RAB3C: variants seen among roughly 807,000 people sequenced by gnomAD.
The protein encoded by RAB3C is RAB3C, member RAS oncogene family, also known as ras-related protein Rab-3C.
In RAB3C, 17 loss-of-function variants were observed where a neutral mutation model predicts 26.4. That is an observed-to-expected ratio of 0.64 (90% confidence interval 0.44 to 0.97). The LOEUF is 0.97. Ranked by LOEUF, RAB3C falls within the 50% of genes least tolerant of loss-of-function variation. RAB3C has a pLI of 0.00. For synonymous variants in RAB3C, 91 were observed against 95.9 expected (o/e 0.95, Z 0.30); for missense variants, 242 against 281.9 (o/e 0.86, Z 1.01).
intron 3 of RAB3C, among the ~76,000 whole-genome samples, chr5:58,792,659 C>T (rs1742554904): frequency 6.6e-6 from 1 of 151,860 alleles, no homozygotes; most frequent in African/African-American, 2.4e-5. Context: ...CAGAATGTTT[C>T]CCAACAACCC....
chr5:58,612,360 A>T (rs924958772), intron 1 of RAB3C, among the ~76,000 whole-genome samples: 2 of 151,722 alleles, frequency 1.3e-5, no homozygotes, highest in Non-Finnish European at 2.9e-5. Context: ...CTTCCTATCC[A>T]TGAGCAAGGA....
intron 2 of RAB3C, among the ~76,000 whole-genome samples, chr5:58,663,333 T>A (rs1747943009): frequency 6.7e-6 from 1 of 150,180 alleles, no homozygotes; most frequent in Non-Finnish European, 1.5e-5. Flanking sequence ...CTGGCAAATG[T>A]GTATTATAAA....
chr5:58,776,685 A>G (rs1742149453), intron 3 of RAB3C, among the ~76,000 whole-genome samples: 1 of 152,128 alleles, frequency 6.6e-6, no homozygotes, highest in South Asian at 2.1e-4. Context: ...ACAAATCTTA[A>G]TGGCTTAGCA....
At chr5:58,727,096 C>G (rs540219189) in intron 3 of RAB3C, among the ~76,000 whole-genome samples, 1 of 149,320 alleles carries the variant, frequency 6.7e-6, no homozygotes, top group Admixed American at 6.7e-5. Flanking sequence ...AAAACTTTGA[C>G]AATACATAGG....
At chr5:58,668,961 C>A (rs1748055160) in intron 2 of RAB3C, among the ~76,000 whole-genome samples, 1 of 152,086 alleles carries the variant, frequency 6.6e-6, no homozygotes, top group Non-Finnish European at 1.5e-5. Flanking sequence ...GGACTCTCTT[C>A]CTGGCTTACA....
intron 1 of RAB3C, among the ~76,000 whole-genome samples, chr5:58,605,805 T>C (rs530526411): frequency 3.1e-4 from 47 of 152,276 alleles, no homozygotes; most frequent in Admixed American, 3.1e-3. Flanking sequence ...CTTGGGAGGC[T>C]GAGACAGGAG....
chr5:58,837,187 T>C (rs898667433), intron 4 of RAB3C, among the ~76,000 whole-genome samples: 8 of 152,200 alleles, frequency 5.3e-5, no homozygotes, highest in African/African-American at 1.7e-4. Context: ...ATGTCTTTTT[T>C]CTTTTTTTCT....
intron 1 of RAB3C, among the ~76,000 whole-genome samples, chr5:58,592,895 A>T (rs1202766249): frequency 1.3e-5 from 2 of 152,078 alleles, no homozygotes; most frequent in African/African-American, 2.4e-5. Context: ...CGTTTTATTT[A>T]TATTTAGTCA....
At chr5:58,824,964 A>C in intron 3 of RAB3C, 74 bp from the exon 4 acceptor site, 10 of 985,896 alleles carry the variant, frequency 1.0e-5, no homozygotes, top group South Asian at 1.8e-5. Context: ...CATCTGTGGA[A>C]TGTATTTCTT....
intron 2 of RAB3C, among the ~76,000 whole-genome samples, chr5:58,633,021 A>T (rs937688405): frequency 6.6e-6 from 1 of 152,198 alleles, no homozygotes; most frequent in Non-Finnish European, 1.5e-5. Flanking sequence ...AACCAAAGAG[A>T]TGTTTGTCTC....
chr5:58,639,918 TC>T (rs1456180881), intron 2 of RAB3C, among the ~76,000 whole-genome samples: 2 of 152,212 alleles, frequency 1.3e-5, no homozygotes, highest in African/African-American at 2.4e-5. Flanking sequence ...TACCCTTCCT[TC>T]CCCAGTGATG....
rs971129746 is a variant in RAB3C, at chr5:58,831,674, T to C, written c.496+6512T>C. Among the ~76,000 whole-genome samples the C allele has an allele frequency of 1.3e-5, 2 of 152,170 alleles. 1 individual carries two copies. The highest frequency in any genetic ancestry group is 4.8e-5 in the African/African-American group (2 of 41,442). The stretch of plus-strand genomic sequence containing the variant: ...GTGTGCTATTTTATTTGCTTGTTTG[T>C]TACATTGAGACTGCTGATATTGGGA... On this transcript the variant is annotated intron_variant, in intron 4 of 4. Coordinates refer to ENST00000282878, the MANE Select transcript of RAB3C (RefSeq NM_138453.4).
chr5:58,747,144 T>C (rs1196428865), intron 3 of RAB3C, among the ~76,000 whole-genome samples: 1 of 152,198 alleles, frequency 6.6e-6, no homozygotes. Flanking sequence ...ACCAAATCTC[T>C]TTTTAATACA....
At chr5:58,603,068 A>G (rs1249749125) in intron 1 of RAB3C, among the ~76,000 whole-genome samples, 1 of 152,130 alleles carries the variant, frequency 6.6e-6, no homozygotes, top group Non-Finnish European at 1.5e-5. Context: ...TCCTTCATAT[A>G]TGATGCTTAG....
chr5:58,643,598 C>T (rs1747456120), intron 2 of RAB3C, among the ~76,000 whole-genome samples: 1 of 152,116 alleles, frequency 6.6e-6, no homozygotes, highest in East Asian at 1.9e-4. Flanking sequence ...ATCATTTGAA[C>T]CTGGGAGGTG....
At chr5:58,713,922 A>G (rs1454024345) in intron 2 of RAB3C, among the ~76,000 whole-genome samples, 1 of 152,198 alleles carries the variant, frequency 6.6e-6, no homozygotes, top group Non-Finnish European at 1.5e-5. Flanking sequence ...AAGGGTTAAT[A>G]ACTGAAATTT....
chr5:58,772,630 T>G lies in RAB3C; in HGVS notation c.371+46510T>G, dbSNP rs1370812637. Reference sequence around the variant, plus strand: ...GAGAAGGCTCATCGTGCTTGTCTTTTGATTTTTATCTTATTTCTGGGCATC... The same window carrying G: ...GAGAAGGCTCATCGTGCTTGTCTTTGGATTTTTATCTTATTTCTGGGCATC... On this transcript the variant is annotated intron_variant, in intron 3 of 4. Coordinates refer to ENST00000282878, the MANE Select transcript of RAB3C (RefSeq NM_138453.4). Among the ~76,000 whole-genome samples the G allele has an allele frequency of 4.6e-5, 7 of 152,204 alleles. No homozygotes were observed. The South Asian group carries it at 1.2e-3, about 27-fold the overall frequency.
At chr5:58,768,149 T>C (rs1184951247) in intron 3 of RAB3C, among the ~76,000 whole-genome samples, 2 of 152,094 alleles carry the variant, frequency 1.3e-5, no homozygotes, top group African/African-American at 4.8e-5. Context: ...AGACCTGTCT[T>C]GAACATGCTG....
intron 2 of RAB3C, among the ~76,000 whole-genome samples, chr5:58,622,131 G>C (rs573906351): frequency 6.6e-6 from 1 of 151,950 alleles, no homozygotes; most frequent in Admixed American, 6.6e-5. Flanking sequence ...GAGTACGCAG[G>C]GTTCAGATTA....
Sources: allele counts gnomAD v4.1 joint callset (sites outside exome capture counted in the v4.1 genomes callset), GRCh38; gene constraint gnomAD v4.1.1; transcripts MANE v1.5; gene names NCBI Gene and HGNC (gene_info 2026-07-23, HGNC 2026-07-21).